AURKA: variants seen among roughly 807,000 people sequenced by gnomAD.
AURKA encodes aurora 2.
A neutral mutation model predicts 40.9 loss-of-function variants in AURKA; 12 were observed. The ratio of observed to expected loss-of-function variants is 0.29; its 90% CI spans 0.19 to 0.48. AURKA has a LOEUF of 0.48. AURKA is among the 20% of genes least tolerant of loss of function. The probability of loss-of-function intolerance (pLI) is 0.99; values close to 1 mark genes in which losing one functional copy is unlikely to be tolerated. For synonymous variants in AURKA, 170 were observed against 164.3 expected (o/e 1.03, Z -0.26); for missense variants, 322 against 462.1 (o/e 0.70, Z 2.78).
At chr20:56,371,579 C>T (rs1014786156) in intron 7 of AURKA, among the ~76,000 whole-genome samples, 4 of 151,880 alleles carry the variant, frequency 2.6e-5, no homozygotes, top group African/African-American at 9.7e-5. Context: ...TCAGAAAAGT[C>T]CTCTTTAAAG....
chr20:56,372,644 G>A (rs77027634), intron 7 of AURKA, among the ~76,000 whole-genome samples: 8,867 of 151,672 alleles, frequency 0.058, 441 homozygotes, highest in African/African-American at 0.13. Context: ...TTCTATTTTA[G>A]GCTATACTTT....
At chr20:56,372,383 TAAGTAATCTTTTCAAA>T (rs919186993) in intron 7 of AURKA, among the ~76,000 whole-genome samples, 1 of 152,182 alleles carries the variant, frequency 6.6e-6, no homozygotes, top group African/African-American at 2.4e-5. Context: ...ATCGGTTATG[TAAGTAATCTTTTCAAA>T]AAGCAAGAAG....
At chr20:56,376,473 G>C (rs1235952157) in intron 6 of AURKA, among the ~76,000 whole-genome samples, 1 of 151,984 alleles carries the variant, frequency 6.6e-6, no homozygotes, top group Non-Finnish European at 1.5e-5. Flanking sequence ...CAAGACCAAA[G>C]AGCCATTTGT....
At chr20:56,378,437 T>A (rs562382287) in intron 6 of AURKA, among the ~76,000 whole-genome samples, 7 of 152,304 alleles carry the variant, frequency 4.6e-5, no homozygotes, top group East Asian at 3.9e-4. Context: ...TGTAATGCAA[T>A]GTAAAATATA....
intron 6 of AURKA, 137 bp downstream of exon 6, chr20:56,381,296 T>C (rs1985676089): frequency 9.0e-7 from 1 of 1,114,726 alleles, no homozygotes; most frequent in Non-Finnish European, 1.3e-6. Context: ...CTATTTTGAT[T>C]TTTCCACTTC....
intron 7 of AURKA, 149 bp from the exon 8 acceptor site, chr20:56,370,808 T>A: frequency 1.1e-6 from 1 of 874,024 alleles, no homozygotes. Flanking sequence ...TAAATTCCCA[T>A]AGGAAACAGA....
chr20:56,376,981 G>A (rs1178129304), intron 6 of AURKA, among the ~76,000 whole-genome samples: 1 of 152,048 alleles, frequency 6.6e-6, no homozygotes, highest in African/African-American at 2.4e-5. Context: ...TCAGGAGGCT[G>A]AGGCAGGAGA....
chr20:56,372,498 C>T (rs1410402884), intron 7 of AURKA, among the ~76,000 whole-genome samples: 3 of 146,306 alleles, frequency 2.1e-5, no homozygotes, highest in Non-Finnish European at 3.0e-5. Context: ...TGGTTTGTCT[C>T]ACCAGATAAC....
At chr20:56,378,532 A>G (rs1337021578) in intron 6 of AURKA, among the ~76,000 whole-genome samples, 2 of 152,194 alleles carry the variant, frequency 1.3e-5, no homozygotes, top group Admixed American at 6.5e-5. Context: ...GCACTCCTAT[A>G]TATGTGCCCA....
Position 56,392,168 on chromosome 20 carries a change from CTGCGACCCAAGGACCCAAG to C in AURKA, c.-25_-7del, listed in dbSNP as rs1305732689. On this transcript the variant is annotated splice_region_variant and 5_prime_UTR_variant, in exon 1 of 9. Transcript: ENST00000395915. Reference sequence around the variant, plus strand: ...GGTCTACCCACCCGTCGGCTCCCACCTGCGACCCAAGGACCCAAGTCTTCCAAGAGCTCAGCCGTTAGAA... The same window carrying C: ...GGTCTACCCACCCGTCGGCTCCCACCTCTTCCAAGAGCTCAGCCGTTAGAA... 6.6e-6 allele frequency: 1 copy of C among 152,342 alleles called. No homozygotes were observed. Among genetic ancestry groups the C allele is most frequent in the African/African-American group, 2.4e-5 (1 of 41,474 alleles). 9.4% of individuals were successfully genotyped at this position (152,342 alleles called of 1,614,324 possible).
At chr20:56,386,610 T>G in intron 2 of AURKA, 77 bp from the exon 3 acceptor site, 1 of 1,536,726 alleles carries the variant, frequency 6.5e-7, no homozygotes, top group South Asian at 1.1e-5. Flanking sequence ...TCACAAAGTT[T>G]GTTCTCTAGT....
At chr20:56,391,320 G>A (rs1363858848) in intron 1 of AURKA, among the ~76,000 whole-genome samples, 1 of 152,230 alleles carries the variant, frequency 6.6e-6, no homozygotes, top group Non-Finnish European at 1.5e-5. Flanking sequence ...CGAGAGTTAA[G>A]GACAGTGGCT....
chr20:56,376,622 C>T (rs979542927), intron 6 of AURKA, among the ~76,000 whole-genome samples: 7 of 151,944 alleles, frequency 4.6e-5, no homozygotes, highest in African/African-American at 1.7e-4. Flanking sequence ...ATCAAAGTAA[C>T]CACCATTCAA....
chr20:56,378,387 C>T (rs1325137078), intron 6 of AURKA, among the ~76,000 whole-genome samples: 3 of 152,188 alleles, frequency 2.0e-5, no homozygotes, highest in African/African-American at 7.2e-5. Context: ...TGGATCAACA[C>T]TTTACCCTCA....
In AURKA at chr20:56,370,488, T is replaced by C. The variant is rs759640621; in HGVS notation, c.1026A>G (p.Ser342=). 6.2e-7 allele frequency: 1 copy of C among 1,614,234 alleles called. No individual in the cohort carries two copies. The highest frequency in any genetic ancestry group is 1.7e-5 in the Admixed American group (1 of 60,028). ...GTCCTTTTCAGTTGCGTCTTACCCG[T>C]GATATTCTTTTGTAGGTCTCTTGGT... is the stretch of plus-strand genomic sequence containing the variant. ...NTYQETYKRI[S]RVEFTFPDFV... is the part of the protein sequence containing the mutation. Residue 342 remains serine (S), a synonymous_variant, in exon 8 of 9, where the codon TCA becomes TCG. Transcript: ENST00000395915.
chr20:56,385,334 G>T (rs1005490605), intron 3 of AURKA, among the ~76,000 whole-genome samples: 3 of 152,098 alleles, frequency 2.0e-5, no homozygotes, highest in African/African-American at 7.2e-5. Context: ...CTCAACAGTT[G>T]GTAAATAATT....
At chr20:56,371,325 G>A (rs1371437215) in intron 7 of AURKA, among the ~76,000 whole-genome samples, 13 of 152,086 alleles carry the variant, frequency 8.5e-5, no homozygotes, top group Non-Finnish European at 1.5e-4. Context: ...AGCCGGGTGT[G>A]GTGGTGTGCG....
intron 6 of AURKA, among the ~76,000 whole-genome samples, chr20:56,379,656 G>C (rs139061908): frequency 3.4e-3 from 521 of 152,224 alleles, no homozygotes; most frequent in Admixed American, 5.6e-3. Context: ...TGAGCATCTT[G>C]TATCAGAAAG....
Position 56,388,185 on chromosome 20 carries a change from T to C in AURKA, c.13A>G (p.Lys5Glu), listed in dbSNP as rs1319672869. Reference sequence around the variant, plus strand: ...ACAGGTCCTGAAATGCAGTTTTCTTTAGATCGGTCCATGATGCCTGAAAAG... The same window carrying C: ...ACAGGTCCTGAAATGCAGTTTTCTTCAGATCGGTCCATGATGCCTGAAAAG... MDRS[K>E]ENCISGPVKA... The change falls in exon 2 of 9, where the codon AAA (lysine) becomes GAA (glutamate). Residue 5 changes from lysine to glutamate, a missense_variant. Coordinates refer to ENST00000395915, the MANE Select transcript of AURKA (RefSeq NM_198437.3). 4.2e-6 allele frequency: 4 copies of C among 956,668 alleles called. No homozygotes were observed. In the Admixed American group the frequency reaches 1.4e-4, roughly 35 times the overall value. The allele number at this position is 956,668 out of a possible 1,614,324, so 59.3% of individuals were successfully genotyped here. A position where few individuals can be genotyped will look rare whatever the true frequency, so the allele number is the denominator to read the frequency against.
Sources: allele counts gnomAD v4.1 joint callset (sites outside exome capture counted in the v4.1 genomes callset), GRCh38; gene constraint gnomAD v4.1.1; transcripts MANE v1.5; gene names NCBI Gene and HGNC (gene_info 2026-07-23, HGNC 2026-07-21).